The following BMPR1A variants were observed in gnomAD, a reference collection of about 807,000 sequenced individuals.
BMPR1A encodes bone morphogenetic protein receptor type-1A.
A neutral mutation model predicts 66.0 loss-of-function variants in BMPR1A; 7 were observed. That is an observed-to-expected ratio of 0.11 (90% CI 0.06 to 0.20). The LOEUF is 0.20. Among genes scored for constraint, BMPR1A ranks in the 10% least tolerant of loss-of-function variants. BMPR1A has a pLI of 1.00. For missense variants in BMPR1A, 408 were observed against 669.1 expected (o/e 0.61, Z 4.31); for synonymous variants, 200 against 229.7 (o/e 0.87, Z 1.17).
chr10:86,905,326 AT>A (rs1843370504), intron 7 of BMPR1A, among the ~76,000 whole-genome samples: 3 of 152,194 alleles, frequency 2.0e-5, no homozygotes, highest in Admixed American at 2.0e-4. Context: ...AGCTCCTTTA[AT>A]CCTTCAGACT....
In BMPR1A at chr10:86,857,837, A is replaced by G. The variant is rs1842664367; in HGVS notation, c.-152-18030A>G. On this transcript the variant is annotated intron_variant, in intron 2 of 12. Transcript: ENST00000372037. ...ATTCGTTTCTTTTTTTTTTTAAATT[A>G]AATTGAGATGGGGTCTTGCTATGTT... Among the ~76,000 whole-genome samples the G allele has an allele frequency of 4.0e-5, 6 of 151,168 alleles. No individual in the cohort carries two copies. The South Asian group carries it at 1.0e-3, about 26-fold the overall frequency.
rs143701520 is a variant in BMPR1A, at chr10:86,852,766, C to T, written c.-153+13787C>T. 2.2e-3 allele frequency among the ~76,000 whole-genome samples: 333 copies of T among 152,152 alleles called. 4 individuals carry two copies. Among genetic ancestry groups the T allele is most frequent in the African/African-American group, 7.8e-3 (323 of 41,462 alleles). Reference sequence around the variant, plus strand: ...AGAGTTCTTACTCTATTCCAAGCACCGTTCCATGTTCTTTACAAAGGTTAT... The same window carrying T: ...AGAGTTCTTACTCTATTCCAAGCACTGTTCCATGTTCTTTACAAAGGTTAT... On this transcript the variant is annotated intron_variant, in intron 2 of 12. Coordinates refer to ENST00000372037, the MANE Select transcript of BMPR1A (RefSeq NM_004329.3).
chr10:86,838,025 C>T (rs1456455176), intron 1 of BMPR1A, among the ~76,000 whole-genome samples: 1 of 152,172 alleles, frequency 6.6e-6, no homozygotes. Flanking sequence ...AGGCAACGTT[C>T]ATACAGTTTT....
At chr10:86,864,166 G>C (rs963740280) in intron 2 of BMPR1A, among the ~76,000 whole-genome samples, 8 of 152,070 alleles carry the variant, frequency 5.3e-5, no homozygotes, top group Non-Finnish European at 1.0e-4. Context: ...TTCTTCCTCT[G>C]TGGATCCTCT....
rs1325909160 is a variant in BMPR1A, at chr10:86,790,223, A to G, written c.-268+33304A>G. Among the ~76,000 whole-genome samples, 49 of 93,098 alleles carry G rather than the reference A, an allele frequency of 5.3e-4. 5 individuals are homozygous for G. The highest frequency in any genetic ancestry group is 1.6e-3 in the South Asian group (4 of 2,546). The allele number at this position is 93,098 out of a possible 152,430, so 61.1% of individuals were successfully genotyped here. A position where few individuals can be genotyped will look rare whatever the true frequency, so the allele number is the denominator to read the frequency against. Reference sequence around the variant, plus strand: ...TATATATATATATATATATATATATATATATATATATATCAAAACCACAAT... The same window carrying G: ...TATATATATATATATATATATATATGTATATATATATATCAAAACCACAAT... On this transcript the variant is annotated intron_variant, in intron 1 of 12. Transcript: ENST00000372037.
intron 1 of BMPR1A, among the ~76,000 whole-genome samples, chr10:86,801,635 C>T (rs1440758526): frequency 6.6e-6 from 1 of 152,152 alleles, no homozygotes; most frequent in African/African-American, 2.4e-5. Flanking sequence ...AGCCTCTACC[C>T]CTTCCTTAGC....
In BMPR1A at chr10:86,826,226, A is replaced by G. The variant is rs555504775; in HGVS notation, c.-267-12639A>G. ...CCTGAAGAGTTACATTATCATACTT[A>G]AGAGATATAGTATTAATACAATATT... On this transcript the variant is annotated intron_variant, in intron 1 of 12. Transcript: ENST00000372037. 3.3e-5 allele frequency among the ~76,000 whole-genome samples: 5 copies of G among 152,294 alleles called. No individual in the cohort carries two copies. The East Asian group carries it at 9.6e-4, about 29-fold the overall frequency.
intron 7 of BMPR1A, among the ~76,000 whole-genome samples, chr10:86,911,516 A>G (rs760683682): frequency 3.9e-5 from 6 of 152,140 alleles, no homozygotes; most frequent in East Asian, 3.8e-4. Context: ...GGAGGCCAAC[A>G]TGGCAGATCG....
At chr10:86,815,327 C>G (rs1337192307) in intron 1 of BMPR1A, among the ~76,000 whole-genome samples, 1 of 152,114 alleles carries the variant, frequency 6.6e-6, no homozygotes, top group Non-Finnish European at 1.5e-5. Context: ...TCTGGAGAAC[C>G]TTTTCCTGTT....
chr10:86,799,776 G>A (rs1841785536), intron 1 of BMPR1A, among the ~76,000 whole-genome samples: 1 of 152,128 alleles, frequency 6.6e-6, no homozygotes, highest in African/African-American at 2.4e-5. Flanking sequence ...GGGCTCAAGC[G>A]ATCCACCCAC....
intron 2 of BMPR1A, among the ~76,000 whole-genome samples, chr10:86,852,123 A>AG (rs1842576251): frequency 6.6e-6 from 1 of 151,844 alleles, no homozygotes; most frequent in South Asian, 2.1e-4. Flanking sequence ...CAACTGTTAA[A>AG]AAAAAAAAAA....
intron 2 of BMPR1A, among the ~76,000 whole-genome samples, chr10:86,866,198 G>A (rs1466488700): frequency 6.7e-6 from 1 of 149,214 alleles, no homozygotes; most frequent in Non-Finnish European, 1.5e-5. Flanking sequence ...TCAGAAAGCA[G>A]AATCTATAGA....
At chr10:86,793,467 G>A (rs886334491) in intron 1 of BMPR1A, among the ~76,000 whole-genome samples, 3 of 151,340 alleles carry the variant, frequency 2.0e-5, no homozygotes, top group African/African-American at 4.9e-5. Context: ...GGATTCAAGC[G>A]ATTCTCCTGT....
chr10:86,786,864 T>A (rs1329148174), intron 1 of BMPR1A, among the ~76,000 whole-genome samples: 2 of 152,218 alleles, frequency 1.3e-5, no homozygotes, highest in Non-Finnish European at 2.9e-5. Context: ...CCAAGAAAAT[T>A]CAAAACCAAA....
chr10:86,829,036 C>G (rs532541566), intron 1 of BMPR1A, among the ~76,000 whole-genome samples: 1 of 152,122 alleles, frequency 6.6e-6, no homozygotes, highest in East Asian at 1.9e-4. Context: ...CTCGGAATTG[C>G]CACACCTTCA....
At chr10:86,769,268 G>A (rs998544443) in intron 1 of BMPR1A, among the ~76,000 whole-genome samples, 8 of 152,174 alleles carry the variant, frequency 5.3e-5, no homozygotes, top group Non-Finnish European at 8.8e-5. Flanking sequence ...AGAGTAAATA[G>A]ATCTAGAGCT....
chr10:86,800,261 C>T (rs1024277326), intron 1 of BMPR1A, among the ~76,000 whole-genome samples: 1 of 152,132 alleles, frequency 6.6e-6, no homozygotes, highest in Non-Finnish European at 1.5e-5. Flanking sequence ...GGCTGTTCTC[C>T]CTGCCATCTG....
intron 1 of BMPR1A, among the ~76,000 whole-genome samples, chr10:86,827,827 A>T (rs1487086521): frequency 6.6e-6 from 1 of 152,134 alleles, no homozygotes; most frequent in East Asian, 1.9e-4. Context: ...CAGGTATGTC[A>T]TCTCTCCCTT....
chr10:86,844,657 A>C (rs932259447), intron 2 of BMPR1A, among the ~76,000 whole-genome samples: 2 of 152,252 alleles, frequency 1.3e-5, no homozygotes, highest in African/African-American at 4.8e-5. Flanking sequence ...AATAATCACT[A>C]ATTGTTTTAT....
Sources: gnomAD v4.1 joint callset for allele counts (sites outside exome capture counted in the v4.1 genomes callset) on GRCh38, gnomAD v4.1.1 for gene constraint, MANE v1.5 for transcripts, NCBI Gene and HGNC (gene_info 2026-07-23, HGNC 2026-07-21) for gene names.